The following HCN2 variants were observed in gnomAD, a reference collection of about 807,000 sequenced individuals.
HCN2 encodes potassium/sodium hyperpolarization-activated cyclic nucleotide-gated channel 2.
Under a neutral mutation model 52.3 loss-of-function variants are expected in HCN2, and 20 were observed. The ratio of observed to expected loss-of-function variants is 0.38; its 90% CI spans 0.27 to 0.56. The LOEUF is 0.56. Ranked by LOEUF, HCN2 falls within the 20% of genes least tolerant of loss-of-function variation. HCN2 has a pLI of 0.71. For missense variants in HCN2, 981 were observed against 1,207.7 expected (o/e 0.81, Z 2.78); for synonymous variants, 694 against 537.0 (o/e 1.29, Z -4.04).
intron 5 of HCN2, among the ~76,000 whole-genome samples, chr19:612,393 G>GGTGTGTGTGTGTGTGTGTGT (rs140326049): frequency 7.5e-4 from 106 of 141,858 alleles, no homozygotes; most frequent in African/African-American, 2.0e-3. Context: ...GCTTTCCACT[G>GGTGTGTGTGTGTGTGTGTGT]GTGTGTGTGT....
chr19:597,780 G>A (rs1447020227), intron 1 of HCN2, among the ~76,000 whole-genome samples: 1 of 150,548 alleles, frequency 6.6e-6, no homozygotes, highest in Non-Finnish European at 1.5e-5. Flanking sequence ...CCCCCTTGGT[G>A]GTTTCTAGGC....
At position 591,046 on chromosome 19, in the gene HCN2, C is replaced by A. The variant is rs1048667904; in HGVS notation, c.632+469C>A. ...CGCCCCGCCTGCGAGGAGGCGCGCCCGGGGCCGCGGGCCTGGAAAGCGTGC... is the reference window on the plus strand; with the variant it reads ...CGCCCCGCCTGCGAGGAGGCGCGCCAGGGGCCGCGGGCCTGGAAAGCGTGC... On this transcript the variant is annotated intron_variant, in intron 1 of 7. Transcript: ENST00000251287. The surrounding 1 kb of genome is among the most constrained non-coding windows in gnomAD (Gnocchi z 4.1). The A allele has an allele frequency of 1.3e-5, 2 of 152,128 alleles. No individual in the cohort carries two copies. The highest frequency in any genetic ancestry group is 4.8e-5 in the African/African-American group (2 of 41,432). The allele number at this position is 152,128 out of a possible 1,614,324, so 9.4% of individuals were successfully genotyped here.
rs770695486 is a variant in HCN2 at position 608,113 on chromosome 19, C to T, written c.1368C>T (p.Ala456=). ...TGATTGTGGGTGCCACCTGCTACGCCATGTTCATCGGCCACGCCACTGCCC... is the reference window on the plus strand; with the variant it reads ...TGATTGTGGGTGCCACCTGCTACGCTATGTTCATCGGCCACGCCACTGCCC... The part of the protein sequence containing the change: ...LSMIVGATCY[A]MFIGHATALI... The change falls in exon 4 of 8, where the codon GCC becomes GCT. Residue 456 remains alanine (A), a synonymous_variant. Transcript: ENST00000251287. 3 of 1,613,366 alleles carry T rather than the reference C, an allele frequency of 1.9e-6. No homozygotes were observed. Among genetic ancestry groups the T allele is most frequent in the Middle Eastern group, 3.4e-4 (2 of 5,954 alleles).
At chr19:600,855 C>G in intron 1 of HCN2, among the ~76,000 whole-genome samples, 1 of 152,214 alleles carries the variant, frequency 6.6e-6, no homozygotes, top group East Asian at 1.9e-4. Context: ...CCCATTCTTG[C>G]TGTTGTACAA....
At chr19:604,792 T>TG (rs1485462329) in intron 2 of HCN2, among the ~76,000 whole-genome samples, 1 of 54,006 alleles carries the variant, frequency 1.9e-5, no homozygotes, top group Non-Finnish European at 3.7e-5. Context: ...GCTGTGGATT[T>TG]GGGGGGTGTC....
At chr19:612,393 G>GGTGGGTGTGTGTGTGTGTGTGTGT (rs1215986490) in intron 5 of HCN2, among the ~76,000 whole-genome samples, 8 of 141,766 alleles carry the variant, frequency 5.6e-5, no homozygotes, top group Admixed American at 1.4e-4. Context: ...GCTTTCCACT[G>GGTGGGTGTGTGTGTGTGTGTGTGT]GTGTGTGTGT....
At chr19:595,618 G>A (rs1275904776) in intron 1 of HCN2, among the ~76,000 whole-genome samples, 1 of 152,142 alleles carries the variant, frequency 6.6e-6, no homozygotes, top group Non-Finnish European at 1.5e-5. Context: ...GGGCTGACAG[G>A]CCCATCCCAT....
chr19:597,990 G>T (rs961553201), intron 1 of HCN2, among the ~76,000 whole-genome samples: 7 of 152,222 alleles, frequency 4.6e-5, no homozygotes, highest in African/African-American at 1.7e-4. Flanking sequence ...TTTCCTGCTG[G>T]TTTTGTCCCA....
chr19:612,423 T>TGA lies in HCN2; in HGVS notation c.1585-824_1585-823insAG, dbSNP rs201703738. On this transcript the variant is annotated intron_variant, in intron 5 of 7. Transcript: ENST00000251287. ...GTGTGTGTGTGTGTGTGTGTGTGTG[T>TGA]GTGTGAGAGAGAGATGGAGTCTCGC... Among the ~76,000 whole-genome samples the TGA allele has an allele frequency of 5.2e-3, 663 of 126,292 alleles. 8 individuals carry two copies. Among genetic ancestry groups the TGA allele is most frequent in the South Asian group, 0.02 (81 of 3,974 alleles). The allele number at this position is 126,292 out of a possible 152,430, so 82.9% of individuals were successfully genotyped here. A position where few individuals can be genotyped will look rare whatever the true frequency, so the allele number is the denominator to read the frequency against.
chr19:615,561 A>G (rs1439413234), intron 7 of HCN2, among the ~76,000 whole-genome samples: 1 of 152,174 alleles, frequency 6.6e-6, no homozygotes, highest in African/African-American at 2.4e-5. Flanking sequence ...CAGGTGCTTC[A>G]TGCATGCTGG....
rs1330999978 is a variant in HCN2 at position 603,865 on chromosome 19, G to A, written c.954G>A (p.Lys318=). ...VEKGIDSEVY[K]TARALRIVRF... Reference sequence around the variant, plus strand: ...AGGGCATTGACTCCGAGGTCTACAAGACGGCACGCGCCCTGCGCATCGTGC... The same window carrying A: ...AGGGCATTGACTCCGAGGTCTACAAAACGGCACGCGCCCTGCGCATCGTGC... The change falls in exon 2 of 8, where the codon AAG becomes AAA. Residue 318 remains lysine (K), a synonymous_variant. Transcript: ENST00000251287. The A allele has an allele frequency of 2.5e-6, 4 of 1,612,566 alleles. No individual in the cohort carries two copies. The African/African-American group carries it at 5.3e-5, about 21-fold the overall frequency.
chr19:603,360 C>T (rs368850330), intron 1 of HCN2, among the ~76,000 whole-genome samples, 184 bp from the exon 2 acceptor site: 351 of 137,814 alleles, frequency 2.5e-3, no homozygotes, highest in African/African-American at 3.1e-3. Context: ...AGGCACCAGC[C>T]TGAGGTGTGG....
intron 2 of HCN2, among the ~76,000 whole-genome samples, chr19:604,545 T>C (rs1221519327): frequency 8.3e-5 from 7 of 84,200 alleles, no homozygotes; most frequent in African/African-American, 1.6e-4. Context: ...CTGGGCGGGG[T>C]CAAGGCATCA....
At chr19:615,189 C>T (rs528641873) in intron 7 of HCN2, among the ~76,000 whole-genome samples, 1 of 152,208 alleles carries the variant, frequency 6.6e-6, no homozygotes, top group African/African-American at 2.4e-5. Context: ...ACAGTGATAC[C>T]TGCTCCATGT....
At chr19:605,280 C>T in intron 3 of HCN2, 58 bp downstream of exon 3, 2 of 1,554,294 alleles carry the variant, frequency 1.3e-6, no homozygotes, top group South Asian at 1.1e-5. Context: ...AGAGGGGGGA[C>T]CCAGGCCCCC....
At chr19:611,407 G>T (rs1283117442) in intron 5 of HCN2, among the ~76,000 whole-genome samples, 2 of 152,160 alleles carry the variant, frequency 1.3e-5, no homozygotes, top group African/African-American at 2.4e-5. Context: ...GCCAGGCAGG[G>T]TGTCCCCGGT....
At position 590,419 on chromosome 19, in the gene HCN2, C is replaced by T; in HGVS notation, c.474C>T (p.Ser158=). The change falls in exon 1 of 8, where the codon AGC becomes AGT. Residue 158 remains serine, a synonymous_variant. Coordinates refer to ENST00000251287, the MANE Select transcript of HCN2 (RefSeq NM_001194.4). This position sits in a 1 kb window ranked among gnomAD's most constrained non-coding sequence, Gnocchi z 7.2. ...EAGPAGEPRG[S]QASFMQRQFG... is the part of the protein sequence containing the mutation. The stretch of plus-strand genomic sequence containing the variant: ...GCCCGGCGGGGGAGCCGCGCGGCAG[C>T]CAGGCCAGCTTCATGCAGCGCCAGT... 3 of 1,420,040 alleles carry T rather than the reference C, an allele frequency of 2.1e-6. No individual in the cohort carries two copies. Among genetic ancestry groups the T allele is most frequent in the East Asian group, 5.8e-5 (2 of 34,476 alleles). The allele number at this position is 1,420,040 out of a possible 1,614,324, so 88.0% of individuals were successfully genotyped here.
At chr19:593,586 C>T (rs907585157) in intron 1 of HCN2, among the ~76,000 whole-genome samples, 3 of 152,158 alleles carry the variant, frequency 2.0e-5, no homozygotes, top group Admixed American at 1.3e-4. Context: ...CGCTGCTGCA[C>T]TCCAGCCTGG....
intron 1 of HCN2, among the ~76,000 whole-genome samples, chr19:600,213 C>T (rs1423041755): frequency 6.6e-6 from 1 of 152,170 alleles, no homozygotes; most frequent in Non-Finnish European, 1.5e-5. Context: ...CGCTCTGTTG[C>T]CCCGGCTGGA....
Sources: gnomAD v4.1 joint callset for allele counts (sites outside exome capture counted in the v4.1 genomes callset) on GRCh38, gnomAD v4.1.1 for gene constraint, Gnocchi (gnomAD v3.1) non-coding constraint, MANE v1.5 for transcripts, NCBI Gene and HGNC (gene_info 2026-07-23, HGNC 2026-07-21) for gene names.